The following SLC4A5 variants were observed in gnomAD, a reference collection of about 807,000 sequenced individuals.
SLC4A5 encodes the protein electrogenic sodium bicarbonate cotransporter 4.
In SLC4A5, 96 loss-of-function variants were observed where a neutral mutation model predicts 120.4. The ratio of observed to expected loss-of-function variants is 0.80; its 90% CI spans 0.68 to 0.94. The LOEUF (loss-of-function observed/expected upper bound fraction) is 0.94, where lower values mean the gene tolerates loss of function less well. Ranked by LOEUF, SLC4A5 falls within the 40% of genes least tolerant of loss-of-function variation. SLC4A5 has a pLI of 0.00. For synonymous variants in SLC4A5, 550 were observed against 571.1 expected, an observed-to-expected ratio of 0.96 and a Z score of 0.53; for missense variants, 1,259 against 1,459.5, an observed-to-expected ratio of 0.86 and a Z score of 2.24.
chr2:74,315,734 C>T (rs551001637), intron 5 of SLC4A5, among the ~76,000 whole-genome samples: 2 of 151,840 alleles, frequency 1.3e-5, no homozygotes, highest in South Asian at 4.2e-4. Flanking sequence ...TTTGAGGCTG[C>T]AGTGAGCCAT....
At chr2:74,342,756 A>G (rs1161981718) in intron 1 of SLC4A5, among the ~76,000 whole-genome samples, 2 of 152,040 alleles carry the variant, frequency 1.3e-5, no homozygotes, top group African/African-American at 4.8e-5. Flanking sequence ...CTTCCCTCTC[A>G]CTCCCTAAAG....
chr2:74,250,363 C>T (rs1390905198), exon 17 of SLC4A5: 1 of 1,614,040 alleles, frequency 6.2e-7, no homozygotes, highest in South Asian at 1.1e-5. Flanking sequence ...TCGGTGGCAT[C>T]CCCCAGAAGC....
intron 5 of SLC4A5, among the ~76,000 whole-genome samples, chr2:74,323,177 T>A (rs775439754): frequency 6.6e-6 from 1 of 151,872 alleles, no homozygotes; most frequent in Admixed American, 6.6e-5. Flanking sequence ...GAGGTGGAGG[T>A]TGCAGTGAGC....
intron 17 of SLC4A5, 106 bp downstream of exon 17, chr2:74,250,237 G>T: frequency 1.8e-6 from 2 of 1,112,910 alleles, no homozygotes; most frequent in Non-Finnish European, 2.6e-6. Flanking sequence ...CCTCAACCTG[G>T]ATGGTAGATG....
chr2:74,328,892 A>T (rs1673282639), intron 4 of SLC4A5, among the ~76,000 whole-genome samples: 1 of 152,342 alleles, frequency 6.6e-6, no homozygotes. Context: ...ACTTATTTTT[A>T]GGCATCTCTA....
At chr2:74,303,117 CGTGTGT>C (rs112916158) in intron 7 of SLC4A5, among the ~76,000 whole-genome samples, 4 of 143,158 alleles carry the variant, frequency 2.8e-5, no homozygotes, top group African/African-American at 5.2e-5. Flanking sequence ...TGTGTGTGTG[CGTGTGT>C]GTGTGTGTGT....
chr2:74,219,862 G>A (rs942651993), intron 30 of SLC4A5, among the ~76,000 whole-genome samples: 1 of 152,190 alleles, frequency 6.6e-6, no homozygotes, highest in Admixed American at 6.5e-5. Context: ...GAGATTAACT[G>A]GGACAGGTGA....
intron 12 of SLC4A5, among the ~76,000 whole-genome samples, chr2:74,259,153 T>G (rs1261997960): frequency 2.0e-5 from 3 of 152,174 alleles, no homozygotes; most frequent in Non-Finnish European, 2.9e-5. Context: ...AGGAAGAAGA[T>G]GCACTATTGG....
At chr2:74,264,097 T>A (rs1461735876) in intron 10 of SLC4A5, 50 bp downstream of exon 10, 1 of 1,580,720 alleles carries the variant, frequency 6.3e-7, no homozygotes, top group Non-Finnish European at 8.6e-7. Flanking sequence ...TACCAGGGCC[T>A]GATACTGGCC....
At chr2:74,318,077 A>G (rs1673009721) in intron 5 of SLC4A5, among the ~76,000 whole-genome samples, 3 of 152,234 alleles carry the variant, frequency 2.0e-5, no homozygotes, top group Admixed American at 1.3e-4. Flanking sequence ...ATTAAACTAA[A>G]AAGCTTCTAC....
At chr2:74,224,351 C>T (rs79781355) in intron 28 of SLC4A5, among the ~76,000 whole-genome samples, 3,840 of 152,238 alleles carry the variant, frequency 0.025, 153 homozygotes, top group African/African-American at 0.086. Context: ...GCCTCTTTCC[C>T]CATCTTTGTC....
chr2:74,274,450 C>T (rs1389302753), intron 8 of SLC4A5, among the ~76,000 whole-genome samples: 1 of 152,136 alleles, frequency 6.6e-6, no homozygotes, highest in Non-Finnish European at 1.5e-5. Context: ...ACTTTGCATA[C>T]CATGTATATG....
chr2:74,221,506 C>T lies in SLC4A5; in HGVS notation c.3332-5G>A. 4 of 1,614,046 alleles carry T rather than the reference C, an allele frequency of 2.5e-6. No individual in the cohort carries two copies. The highest frequency in any genetic ancestry group is 3.4e-6 in the Non-Finnish European group (4 of 1,179,922). ...TCCAACTGGAAGATCTTTTTCCTGGCAGGAAAATGAAAAATGTCAGATGTG... is the reference window on the plus strand; with the variant it reads ...TCCAACTGGAAGATCTTTTTCCTGGTAGGAAAATGAAAAATGTCAGATGTG... On this transcript the variant is annotated splice_region_variant and splice_polypyrimidine_tract_variant and intron_variant, in intron 29 of 30. Coordinates refer to ENST00000394019, the Ensembl canonical transcript of SLC4A5.
At chr2:74,246,631 G>A (rs1558875736) in intron 19 of SLC4A5, among the ~76,000 whole-genome samples, 1 of 152,208 alleles carries the variant, frequency 6.6e-6, no homozygotes. Flanking sequence ...GTGGCCACAC[G>A]GGCAGCTCTG....
chr2:74,247,143 T>C (rs775061845), exon 19 of SLC4A5: 1 of 1,614,210 alleles, frequency 6.2e-7, no homozygotes, highest in South Asian at 1.1e-5. Flanking sequence ...CTTGATGGCA[T>C]CGTAGATGAA....
intron 25 of SLC4A5, among the ~76,000 whole-genome samples, chr2:74,229,582 T>C (rs1694988960): frequency 6.6e-6 from 1 of 152,138 alleles, no homozygotes; most frequent in Non-Finnish European, 1.5e-5. Flanking sequence ...ATGCAAATAC[T>C]TGTATGTTAA....
At position 74,250,340 on chromosome 2, in the gene SLC4A5, C is replaced by T. The variant is rs1395081461; in HGVS notation, c.1653+3G>A. 6.2e-7 allele frequency: 1 copy of T among 1,613,824 alleles called. No individual in the cohort carries two copies. Among genetic ancestry groups the T allele is most frequent in the East Asian group, 2.2e-5 (1 of 44,892 alleles). ...TACACTCAGGGCACCGGCTCGCACACACCTGATAATTGTCGGTGGCATCCC... is the reference window on the plus strand; with the variant it reads ...TACACTCAGGGCACCGGCTCGCACATACCTGATAATTGTCGGTGGCATCCC... On this transcript the variant is annotated splice_donor_region_variant and intron_variant, in intron 17 of 30. Coordinates refer to ENST00000394019, the Ensembl canonical transcript of SLC4A5.
At chr2:74,262,492 G>C (rs966174298) in intron 10 of SLC4A5, among the ~76,000 whole-genome samples, 1 of 151,762 alleles carries the variant, frequency 6.6e-6, no homozygotes, top group Non-Finnish European at 1.5e-5. Context: ...CTGAGGTCAG[G>C]AGTTTGAGAC....
chr2:74,247,046 G>A (rs1670633278), exon 19 of SLC4A5: 3 of 1,613,746 alleles, frequency 1.9e-6, no homozygotes, highest in Non-Finnish European at 2.5e-6. Context: ...CTGTGTCAGG[G>A]GCGACACACT....
Sources: gnomAD v4.1 joint callset for allele counts (sites outside exome capture counted in the v4.1 genomes callset) on GRCh38, gnomAD v4.1.1 for gene constraint, MANE v1.5 for transcripts, NCBI Gene and HGNC (gene_info 2026-07-23, HGNC 2026-07-21) for gene names.